KCNIP4: variants seen among roughly 807,000 people sequenced by gnomAD.
The protein encoded by KCNIP4 is Kv channel-interacting protein 4.
Under a neutral mutation model 34.0 loss-of-function variants are expected in KCNIP4, and 12 were observed. The observed-to-expected ratio is 0.35, with a 90% confidence interval of 0.23 to 0.57. The LOEUF (loss-of-function observed/expected upper bound fraction) is 0.57. Among genes scored for constraint, KCNIP4 ranks in the 20% least tolerant of loss-of-function variants. KCNIP4 has a pLI of 0.83. For synonymous variants in KCNIP4, 124 were observed against 102.2 expected (o/e 1.21, Z -1.29); for missense variants, 238 against 311.7 (o/e 0.76, Z 1.78).
At chr4:21,450,907 T>C (rs114142638) in intron 1 of KCNIP4, among the ~76,000 whole-genome samples, 85 of 152,272 alleles carry the variant, frequency 5.6e-4, no homozygotes, top group African/African-American at 2.0e-3. Flanking sequence ...TCACCATGTA[T>C]AGTTATTTGA....
chr4:21,071,984 A>G (rs1265770212), intron 1 of KCNIP4, among the ~76,000 whole-genome samples: 1 of 152,074 alleles, frequency 6.6e-6, no homozygotes, highest in Non-Finnish European at 1.5e-5. Context: ...ATCCTTTTTT[A>G]TGGCTACATA....
At chr4:21,831,102 A>G (rs1216056175) in intron 1 of KCNIP4, among the ~76,000 whole-genome samples, 2 of 152,186 alleles carry the variant, frequency 1.3e-5, no homozygotes, top group Non-Finnish European at 2.9e-5. Flanking sequence ...AAATATCTTG[A>G]GACTTACAAA....
intron 1 of KCNIP4, among the ~76,000 whole-genome samples, chr4:21,476,473 A>G (rs1472685015): frequency 6.6e-6 from 1 of 152,116 alleles, no homozygotes; most frequent in African/African-American, 2.4e-5. Flanking sequence ...TTCTCCCCTA[A>G]GGCCCCATGT....
intron 1 of KCNIP4, among the ~76,000 whole-genome samples, chr4:21,107,590 T>C (rs1009908966): frequency 1.3e-5 from 2 of 148,722 alleles, no homozygotes; most frequent in African/African-American, 5.1e-5. Context: ...GAGCATTTAG[T>C]CCATTTACAT....
chr4:21,755,713 C>A (rs1002996935), intron 1 of KCNIP4, among the ~76,000 whole-genome samples: 5 of 152,124 alleles, frequency 3.3e-5, no homozygotes, highest in Non-Finnish European at 7.4e-5. Flanking sequence ...AGAAAAAAAA[C>A]CTGTAGTTAA....
At chr4:21,528,756 AAAGAAAGAAAGAAAGAAAGAAAGG>A (rs1736311675) in intron 1 of KCNIP4, among the ~76,000 whole-genome samples, 1 of 9,402 alleles carries the variant, frequency 1.1e-4, no homozygotes, top group Non-Finnish European at 2.0e-4. Flanking sequence ...AGAAAGAAAG[AAAGAAAGAAAGAAAGAAAGAAAGG>A]AAGAAAGGAA....
At chr4:20,770,478 A>C (rs1251456331) in intron 3 of KCNIP4, among the ~76,000 whole-genome samples, 1 of 151,964 alleles carries the variant, frequency 6.6e-6, no homozygotes. Context: ...ATTGACCAAA[A>C]AAAAAAATAC....
rs1757474843 is a variant in KCNIP4, at chr4:21,215,260, CCTT to C, written c.62-332554_62-332552del. Among the ~76,000 whole-genome samples, 4 of 151,842 alleles carry C rather than the reference CCTT, an allele frequency of 2.6e-5. No individual in the cohort carries two copies. The South Asian group carries it at 8.3e-4, about 31-fold the overall frequency. On this transcript the variant is annotated intron_variant, in intron 1 of 8. Transcript: ENST00000382152. ...GAACGTATCTTCATTCCCTTGCTGTCCTTTTTTTTTCAATTAATGAAGATACTT... is the reference window on the plus strand; with the variant it reads ...GAACGTATCTTCATTCCCTTGCTGTCTTTTTTTCAATTAATGAAGATACTT...
chr4:21,426,059 A>C (rs1005049490), intron 1 of KCNIP4, among the ~76,000 whole-genome samples: 1 of 152,164 alleles, frequency 6.6e-6, no homozygotes, highest in African/African-American at 2.4e-5. Context: ...TCCTGTCTCA[A>C]ACAAACAAAA....
At chr4:21,757,382 C>T (rs1456818575) in intron 1 of KCNIP4, among the ~76,000 whole-genome samples, 6 of 152,094 alleles carry the variant, frequency 3.9e-5, no homozygotes, top group Non-Finnish European at 8.8e-5. Flanking sequence ...CAACAGAGAA[C>T]GTAAGCTCAC....
intron 1 of KCNIP4, among the ~76,000 whole-genome samples, chr4:21,740,435 C>A (rs958157319): frequency 1.3e-5 from 2 of 151,248 alleles, no homozygotes; most frequent in African/African-American, 4.9e-5. Flanking sequence ...CAATTTATTC[C>A]TTCTTTCCAT....
intron 1 of KCNIP4, among the ~76,000 whole-genome samples, chr4:21,512,090 A>T (rs1734370198): frequency 1.5e-5 from 1 of 64,612 alleles, no homozygotes; most frequent in Admixed American, 1.4e-4. Context: ...GGAAGGAAGG[A>T]GGGAGGGAGG....
At position 21,947,308 on chromosome 4, in the gene KCNIP4, G is replaced by A. The variant is rs572899492; in HGVS notation, c.61+1263C>T. ...GAGATAATCTACTTATGCTTGGCTC[G>A]TAATGAGTGGGCATCTCCAGGCATA... On this transcript the variant is annotated intron_variant, in intron 1 of 8. Coordinates refer to ENST00000382152, the MANE Select transcript of KCNIP4 (RefSeq NM_025221.6). Among the ~76,000 whole-genome samples, 19 of 152,292 alleles carry A rather than the reference G, an allele frequency of 1.2e-4. No homozygotes were observed. The South Asian group carries it at 1.5e-3, about 12-fold the overall frequency.
chr4:21,456,374 A>G (rs1189362274), intron 1 of KCNIP4, among the ~76,000 whole-genome samples: 1 of 147,972 alleles, frequency 6.8e-6, no homozygotes, highest in Admixed American at 6.6e-5. Flanking sequence ...CACTATATTG[A>G]GGCAACTCTT....
intron 1 of KCNIP4, among the ~76,000 whole-genome samples, chr4:21,129,039 C>A (rs1750844337): frequency 6.6e-6 from 1 of 152,134 alleles, no homozygotes; most frequent in African/African-American, 2.4e-5. Flanking sequence ...TAATAATTCC[C>A]AGGTGTCAAG....
intron 1 of KCNIP4, among the ~76,000 whole-genome samples, chr4:21,240,818 A>G (rs1484705696): frequency 6.6e-6 from 1 of 152,224 alleles, no homozygotes; most frequent in Non-Finnish European, 1.5e-5. Context: ...GCCATGCCTC[A>G]GAACATTATT....
At chr4:21,667,690 T>C (rs559464172) in intron 1 of KCNIP4, among the ~76,000 whole-genome samples, 1 of 152,254 alleles carries the variant, frequency 6.6e-6, no homozygotes, top group South Asian at 2.1e-4. Context: ...TAGTAAGGTA[T>C]GGAACAAAGT....
At chr4:21,415,618 C>T (rs1278761031) in intron 1 of KCNIP4, among the ~76,000 whole-genome samples, 1 of 151,854 alleles carries the variant, frequency 6.6e-6, no homozygotes, top group African/African-American at 2.4e-5. Context: ...AAGAGAATCA[C>T]TTGAATCCGG....
chr4:21,772,065 T>G (rs1462177133), intron 1 of KCNIP4, among the ~76,000 whole-genome samples: 2 of 152,168 alleles, frequency 1.3e-5, no homozygotes, highest in Non-Finnish European at 2.9e-5. Flanking sequence ...GGGTTTGTCA[T>G]AAATAGCTCT....
Sources: gnomAD v4.1 joint callset for allele counts (sites outside exome capture counted in the v4.1 genomes callset) on GRCh38, gnomAD v4.1.1 for gene constraint, MANE v1.5 for transcripts, NCBI Gene and HGNC (gene_info 2026-07-23, HGNC 2026-07-21) for gene names.